BLNK: variants seen among roughly 807,000 people sequenced by gnomAD.
BLNK encodes the protein B cell linker.
A neutral mutation model predicts 73.5 loss-of-function variants in BLNK; 29 were observed. The observed-to-expected ratio is 0.39, with a 90% confidence interval of 0.29 to 0.54. BLNK has a LOEUF of 0.54. Among genes scored for constraint, BLNK ranks in the 20% least tolerant of loss-of-function variants. The probability of loss-of-function intolerance (pLI) is 0.61; values close to 1 mark genes in which losing one functional copy is unlikely to be tolerated. For synonymous variants in BLNK, 176 were observed against 200.8 expected (o/e 0.88, Z 1.04); for missense variants, 460 against 562.8 (o/e 0.82, Z 1.85).
chr10:96,198,819 C>T lies in BLNK; in HGVS notation c.1095+1256G>A, dbSNP rs139581181. Among the ~76,000 whole-genome samples the T allele has an allele frequency of 9.2e-5, 14 of 152,348 alleles. No individual in the cohort carries two copies. The East Asian group carries it at 2.7e-3, about 29-fold the overall frequency. On this transcript the variant is annotated intron_variant, in intron 15 of 16. Transcript: ENST00000224337. ...GCCCAACCGATTCTCCTGCTTCAGC[C>T]TCCGGAGGAGCTGGGATTATAGGCG...
chr10:96,215,311 T>C lies in BLNK; in HGVS notation c.676+10A>G. On this transcript the variant is annotated intron_variant, in intron 8 of 16. Coordinates refer to ENST00000224337, the MANE Select transcript of BLNK (RefSeq NM_013314.4). ...ACGTAAAACCAAACCAAATCACACA[T>C]ACACTTTACCTGAAGCTGTTCCTGG... 6.2e-7 allele frequency: 1 copy of C among 1,613,444 alleles called. No homozygotes were observed. The highest frequency in any genetic ancestry group is 8.5e-7 in the Non-Finnish European group (1 of 1,179,398).
In BLNK at chr10:96,190,202, G is replaced by C; in HGVS notation, c.*1771C>G. ...TGGGCCTCAGGGGGCTCACGTCCAT[G>C]TCCATCGAATCTTCCATCAGGTGGC... On this transcript the variant is annotated 3_prime_UTR_variant, in exon 17 of 17. Coordinates refer to ENST00000224337, the MANE Select transcript of BLNK (RefSeq NM_013314.4). 1 of 776,628 alleles carries C rather than the reference G, an allele frequency of 1.3e-6. No homozygotes were observed. Among genetic ancestry groups the C allele is most frequent in the South Asian group, 1.3e-5 (1 of 74,824 alleles). The allele number at this position is 776,628 out of a possible 1,614,324, so 48.1% of individuals were successfully genotyped here. A position where few individuals can be genotyped will look rare whatever the true frequency, so the allele number is the denominator to read the frequency against.
At chr10:96,199,031 G>A (rs1055643077) in intron 15 of BLNK, among the ~76,000 whole-genome samples, 1 of 152,096 alleles carries the variant, frequency 6.6e-6, no homozygotes, top group African/African-American at 2.4e-5. Context: ...AGGAACTCAG[G>A]GAATAATGTA....
At chr10:96,204,710 T>A (rs2083749972) in intron 11 of BLNK, 94 bp from the exon 12 acceptor site, 1 of 1,102,016 alleles carries the variant, frequency 9.1e-7, no homozygotes, top group African/African-American at 1.5e-5. Flanking sequence ...CCAAATTTGA[T>A]CAGAAGTCTT....
At chr10:96,210,886 T>TTTTTTG (rs2083931969) in intron 8 of BLNK, among the ~76,000 whole-genome samples, 1 of 148,416 alleles carries the variant, frequency 6.7e-6, no homozygotes, top group Non-Finnish European at 1.5e-5. Flanking sequence ...TTTTTTTTTT[T>TTTTTTG]GAGACAGGGT....
At chr10:96,264,854 T>C (rs1424086989) in intron 1 of BLNK, among the ~76,000 whole-genome samples, 1 of 152,146 alleles carries the variant, frequency 6.6e-6, no homozygotes, top group Non-Finnish European at 1.5e-5. Context: ...AGCAAACGCA[T>C]TTCATCTCTC....
intron 16 of BLNK, 142 bp from the exon 17 acceptor site, chr10:96,192,234 CA>C: frequency 8.3e-7 from 1 of 1,199,306 alleles, no homozygotes. Context: ...TCTAGTTTAA[CA>C]AAGGCTGTAA....
At chr10:96,239,616 A>G (rs1179408784) in intron 3 of BLNK, among the ~76,000 whole-genome samples, 1 of 152,210 alleles carries the variant, frequency 6.6e-6, no homozygotes, top group Non-Finnish European at 1.5e-5. Context: ...CCTTAGCTGT[A>G]GCAATGGGAA....
intron 1 of BLNK, among the ~76,000 whole-genome samples, chr10:96,247,812 C>G (rs1176520117): frequency 6.6e-6 from 1 of 152,208 alleles, no homozygotes; most frequent in Non-Finnish European, 1.5e-5. Flanking sequence ...CCTTCTGCAA[C>G]CAATCAGACT....
rs117446445 is a variant in BLNK, at chr10:96,244,671, G to A, written c.114-1887C>T. Among the ~76,000 whole-genome samples the A allele has an allele frequency of 1.6e-4, 25 of 152,278 alleles. No homozygotes were observed. In the East Asian group the frequency reaches 3.7e-3, roughly 22 times the overall value. On this transcript the variant is annotated intron_variant, in intron 2 of 16. Coordinates refer to ENST00000224337, the MANE Select transcript of BLNK (RefSeq NM_013314.4). ...CACTTTGAGCTAAAGGGCCCCTGAC[G>A]TCACCCGGGGTAATGACTATGGTGG...
chr10:96,248,716 A>G (rs1400441928), intron 1 of BLNK, among the ~76,000 whole-genome samples: 1 of 152,196 alleles, frequency 6.6e-6, no homozygotes, highest in Admixed American at 6.5e-5. Context: ...AACTCTGAAA[A>G]CAACCCAATG....
intron 7 of BLNK, 22 bp from the exon 8 acceptor site, chr10:96,215,411 GTATATATA>G: frequency 7.8e-6 from 11 of 1,401,756 alleles, no homozygotes; most frequent in South Asian, 1.2e-5. Context: ...AAATGTGTGT[GTATATATA>G]TATATATATA....
intron 1 of BLNK, among the ~76,000 whole-genome samples, chr10:96,254,712 TG>T (rs1843439565): frequency 6.6e-6 from 1 of 152,124 alleles, no homozygotes; most frequent in Non-Finnish European, 1.5e-5. Flanking sequence ...GGTTTCACCA[TG>T]TTGGCCAGGC....
chr10:96,237,912 C>T (rs782670625), intron 3 of BLNK, among the ~76,000 whole-genome samples: 8 of 152,164 alleles, frequency 5.3e-5, no homozygotes, highest in Admixed American at 1.3e-4. Context: ...TTCTATATAA[C>T]GGTGCTAATG....
At chr10:96,201,098 T>C in intron 13 of BLNK, 40 bp from the exon 14 acceptor site, 1 of 1,545,692 alleles carries the variant, frequency 6.5e-7, no homozygotes, top group Non-Finnish European at 8.9e-7. Context: ...AATCTTCATA[T>C]TTCTTGAACT....
intron 1 of BLNK, among the ~76,000 whole-genome samples, chr10:96,257,028 A>C (rs782646061): frequency 3.9e-5 from 6 of 152,066 alleles, no homozygotes; most frequent in Admixed American, 2.6e-4. Context: ...TAGTCACATC[A>C]AAAGGGTGAG....
rs6584054 is a variant in BLNK at position 96,201,293 on chromosome 10, C to T, written c.935-235G>A. 0.95 allele frequency among the ~76,000 whole-genome samples: 144,057 copies of T among 152,230 alleles called. 68,638 individuals are homozygous for T. The highest frequency in any genetic ancestry group is 1 in the East Asian group (5,184 of 5,184). The stretch of plus-strand genomic sequence containing the variant: ...CCTATCACTATGAAACCCAATTTTC[C>T]TCATGTAGTTCCACCAGAAAAACAT... On this transcript the variant is annotated intron_variant, in intron 13 of 16. Transcript: ENST00000224337.
intron 6 of BLNK, among the ~76,000 whole-genome samples, chr10:96,222,886 G>T (rs4917724): frequency 2.0e-5 from 3 of 151,886 alleles, no homozygotes; most frequent in Non-Finnish European, 4.4e-5. Context: ...GGGCAGGAGA[G>T]GGCTCCCCTG....
At chr10:96,239,438 C>T (rs2134070703) in intron 3 of BLNK, among the ~76,000 whole-genome samples, 2 of 152,230 alleles carry the variant, frequency 1.3e-5, no homozygotes, top group Admixed American at 1.3e-4. Context: ...TATGTGGGCT[C>T]AGTGGTTTGC....
Sources: gnomAD v4.1 joint callset for allele counts (sites outside exome capture counted in the v4.1 genomes callset) on GRCh38, gnomAD v4.1.1 for gene constraint, MANE v1.5 for transcripts, NCBI Gene and HGNC (gene_info 2026-07-23, HGNC 2026-07-21) for gene names.